Variants in TENM3 observed in about 807,000 individuals in gnomAD.
The protein encoded by TENM3 is teneurin-3.
Under a neutral mutation model 255.1 loss-of-function variants are expected in TENM3, and 63 were observed. That is an observed-to-expected ratio of 0.25 (90% CI 0.20 to 0.30). The LOEUF (loss-of-function observed/expected upper bound fraction) is 0.30. Among genes scored for constraint, TENM3 ranks in the 10% least tolerant of loss-of-function variants. TENM3 has a pLI of 1.00. For missense variants in TENM3, 2,929 were observed against 3,461.1 expected, an observed-to-expected ratio of 0.85 and a Z score of 3.86; for synonymous variants, 1,306 against 1,322.3, an observed-to-expected ratio of 0.99 and a Z score of 0.27.
At chr4:182,611,896 G>T (rs960136884) in intron 4 of TENM3, among the ~76,000 whole-genome samples, 1 of 151,974 alleles carries the variant, frequency 6.6e-6, no homozygotes, top group Non-Finnish European at 1.5e-5. Flanking sequence ...TCTCCTTTTT[G>T]TATATTTAAT....
the TENM3 span, among the ~76,000 whole-genome samples, chr4:181,696,832 C>T: frequency 3.3e-5 from 5 of 152,244 alleles, no homozygotes; most frequent in East Asian, 5.8e-4. Context: ...TTCAGCACTC[C>T]GGGCTCTCTG....
chr4:182,416,563 G>A (rs1455295415), intron 3 of TENM3, among the ~76,000 whole-genome samples: 1 of 151,826 alleles, frequency 6.6e-6, no homozygotes, highest in South Asian at 2.1e-4. Context: ...TTTTTTTAAG[G>A]TATTTATGAG....
chr4:181,727,895 C>T, the TENM3 span, among the ~76,000 whole-genome samples: 5 of 152,270 alleles, frequency 3.3e-5, no homozygotes, highest in African/African-American at 1.2e-4. Context: ...CAGAAGCAAT[C>T]GCAAGTCTAC....
At chr4:182,549,108 T>G (rs1282224027) in intron 3 of TENM3, among the ~76,000 whole-genome samples, 2 of 152,238 alleles carry the variant, frequency 1.3e-5, no homozygotes, top group Non-Finnish European at 2.9e-5. Context: ...ATAATTCTAA[T>G]GTGTCCGGTG....
chr4:181,853,453 C>A, the TENM3 span, among the ~76,000 whole-genome samples: 1 of 152,184 alleles, frequency 6.6e-6, no homozygotes, highest in Non-Finnish European at 1.5e-5. Flanking sequence ...ACATTTGCAA[C>A]CTAATCGTAA....
the TENM3 span, among the ~76,000 whole-genome samples, chr4:181,486,749 G>A: frequency 6.6e-6 from 1 of 152,098 alleles, no homozygotes; most frequent in Non-Finnish European, 1.5e-5. Context: ...TTCGTTCTAG[G>A]TTAAACAGAA....
the TENM3 span, among the ~76,000 whole-genome samples, chr4:182,080,842 T>C: frequency 2.6e-5 from 4 of 152,052 alleles, no homozygotes; most frequent in Admixed American, 2.6e-4. Flanking sequence ...AAATTAAAAA[T>C]TGGCTGGGCG....
intron 4 of TENM3, among the ~76,000 whole-genome samples, chr4:182,622,652 A>G (rs1750407720): frequency 6.6e-6 from 1 of 152,200 alleles, no homozygotes; most frequent in South Asian, 2.1e-4. Flanking sequence ...TATAATTTCC[A>G]GCCTTATTTA....
chr4:182,396,980 T>C (rs1768869681), intron 3 of TENM3, among the ~76,000 whole-genome samples: 1 of 150,248 alleles, frequency 6.7e-6, no homozygotes, highest in East Asian at 2.0e-4. Flanking sequence ...AAAATAAATA[T>C]ATAGAATAAA....
At chr4:181,582,859 A>C in the TENM3 span, among the ~76,000 whole-genome samples, 1 of 152,232 alleles carries the variant, frequency 6.6e-6, no homozygotes, top group African/African-American at 2.4e-5. Context: ...ATTGGATGTA[A>C]GGTAGGAAGG....
the TENM3 span, among the ~76,000 whole-genome samples, chr4:181,646,995 C>T: frequency 2.6e-5 from 4 of 152,088 alleles, no homozygotes; most frequent in Non-Finnish European, 5.9e-5. Flanking sequence ...GACGCATTTT[C>T]GTCAGGAAAG....
At chr4:182,426,945 A>G (rs190078767) in intron 3 of TENM3, among the ~76,000 whole-genome samples, 20 of 152,226 alleles carry the variant, frequency 1.3e-4, no homozygotes, top group Admixed American at 3.9e-4. Flanking sequence ...TCAGTTTTGC[A>G]TACTTGTATT....
At chr4:182,581,805 A>C (rs1395213605) in intron 3 of TENM3, among the ~76,000 whole-genome samples, 2 of 152,176 alleles carry the variant, frequency 1.3e-5, no homozygotes, top group African/African-American at 4.8e-5. Context: ...ATTAATTAGT[A>C]ATCTGCCAAC....
chr4:181,844,630 T>C, the TENM3 span, among the ~76,000 whole-genome samples: 2 of 150,800 alleles, frequency 1.3e-5, no homozygotes, highest in South Asian at 2.1e-4. Flanking sequence ...ATCACACCAC[T>C]GCACTCCAGC....
At chr4:181,717,815 T>TA in the TENM3 span, among the ~76,000 whole-genome samples, 3 of 152,038 alleles carry the variant, frequency 2.0e-5, no homozygotes, top group African/African-American at 2.4e-5. Context: ...CAATCGTATT[T>TA]AAAAAAAATA....
At chr4:182,121,926 G>T in the TENM3 span, among the ~76,000 whole-genome samples, 1 of 152,174 alleles carries the variant, frequency 6.6e-6, no homozygotes, top group East Asian at 1.9e-4. Flanking sequence ...TTTCAAAATT[G>T]GAGTCAATCC....
In TENM3 at chr4:182,792,009, G is replaced by A. The variant is rs1010094630; in HGVS notation, c.5602-265G>A. On this transcript the variant is annotated intron_variant, in intron 25 of 27. Transcript: ENST00000511685. The surrounding 1 kb of genome is among the most constrained non-coding windows in gnomAD (Gnocchi z 6.3). Reference sequence around the variant, plus strand: ...GATCCATTGACAAATCTGCTGGTTGGCTATGAATGTCTGGGAAAATAATGG... The same window carrying A: ...GATCCATTGACAAATCTGCTGGTTGACTATGAATGTCTGGGAAAATAATGG... Among the ~76,000 whole-genome samples the A allele has an allele frequency of 1.3e-5, 2 of 152,098 alleles. No homozygotes were observed. The highest frequency in any genetic ancestry group is 2.4e-5 in the African/African-American group (1 of 41,400).
intron 1 of TENM3, among the ~76,000 whole-genome samples, chr4:182,202,649 T>G (rs770138488): frequency 6.6e-6 from 1 of 152,114 alleles, no homozygotes; most frequent in African/African-American, 2.4e-5. Flanking sequence ...CTGCTTCGCT[T>G]ACAATCTGGG....
chr4:182,144,493 G>C (rs1749750175), upstream of TENM3: 1 of 148,422 alleles, frequency 6.7e-6, no homozygotes, highest in Non-Finnish European at 1.5e-5. Context: ...GAGAAAGAAA[G>C]TGAACTCATT....
Sources: allele counts gnomAD v4.1 joint callset (sites outside exome capture counted in the v4.1 genomes callset), GRCh38; gene constraint gnomAD v4.1.1; non-coding constraint Gnocchi (gnomAD v3.1); transcripts MANE v1.5; gene names NCBI Gene and HGNC (gene_info 2026-07-23, HGNC 2026-07-21).